Variants in DPYD observed in about 807,000 individuals in gnomAD.
The protein encoded by DPYD is dihydropyrimidine dehydrogenase [NADP(+)].
DPYD carries 109 observed loss-of-function variants against 116.2 expected under a neutral mutation model. The ratio of observed to expected loss-of-function variants is 0.94; its 90% confidence interval spans 0.80 to 1.10. DPYD has a LOEUF of 1.10. Among genes scored for constraint, DPYD ranks in the 50% least tolerant of loss-of-function variants. DPYD has a pLI of 0.00. For missense variants in DPYD, 1,302 were observed against 1,254.5 expected (o/e 1.04, Z -0.57); for synonymous variants, 440 against 432.0 (o/e 1.02, Z -0.23).
chr1:97,575,275 C>T (rs996562619), intron 10 of DPYD, among the ~76,000 whole-genome samples: 1 of 152,038 alleles, frequency 6.6e-6, no homozygotes, highest in Non-Finnish European at 1.5e-5. Context: ...AATATTGCCC[C>T]TAGGGAGCAA....
chr1:97,206,829 T>G (rs1401056093), intron 19 of DPYD, among the ~76,000 whole-genome samples: 2 of 151,024 alleles, frequency 1.3e-5, no homozygotes, highest in Non-Finnish European at 3.0e-5. Flanking sequence ...ACACACAATA[T>G]TGTATGTATG....
chr1:97,455,282 G>A (rs747613891), intron 13 of DPYD, among the ~76,000 whole-genome samples: 4 of 151,854 alleles, frequency 2.6e-5, no homozygotes, highest in Non-Finnish European at 5.9e-5. Context: ...AGTGTATATC[G>A]CTATGAGTTG....
At chr1:97,659,253 G>A (rs935257491) in intron 8 of DPYD, among the ~76,000 whole-genome samples, 4 of 152,118 alleles carry the variant, frequency 2.6e-5, no homozygotes, top group African/African-American at 4.8e-5. Flanking sequence ...GTAATAACAG[G>A]TACCTAGACA....
At chr1:97,345,978 A>G (rs578155189) in intron 16 of DPYD, among the ~76,000 whole-genome samples, 1 of 151,946 alleles carries the variant, frequency 6.6e-6, no homozygotes, top group Non-Finnish European at 1.5e-5. Context: ...TAAATGCAAA[A>G]GAATATTTAT....
intron 20 of DPYD, among the ~76,000 whole-genome samples, chr1:97,141,917 T>A (rs569263995): frequency 6.6e-6 from 1 of 152,224 alleles, no homozygotes; most frequent in South Asian, 2.1e-4. Context: ...CCGCAGTACA[T>A]ATCCACAGCC....
chr1:97,603,929 A>G (rs1177617813), intron 8 of DPYD, among the ~76,000 whole-genome samples: 1 of 152,164 alleles, frequency 6.6e-6, no homozygotes, highest in African/African-American at 2.4e-5. Flanking sequence ...GGTGAAACAC[A>G]ATGTATGAGT....
intron 20 of DPYD, among the ~76,000 whole-genome samples, chr1:97,170,780 A>C (rs12122422): frequency 0.13 from 20,133 of 151,120 alleles, 1,627 homozygotes; most frequent in East Asian, 0.29. Context: ...GGTTCAAGCT[A>C]TTCTCCTGCC....
chr1:97,471,917 A>G (rs1297430930), intron 13 of DPYD, among the ~76,000 whole-genome samples: 1 of 152,198 alleles, frequency 6.6e-6, no homozygotes, highest in African/African-American at 2.4e-5. Flanking sequence ...GAGATGTTTG[A>G]AGTAGTGCCT....
At chr1:97,787,474 C>T (rs1251743001) in intron 3 of DPYD, among the ~76,000 whole-genome samples, 1 of 152,066 alleles carries the variant, frequency 6.6e-6, no homozygotes, top group Non-Finnish European at 1.5e-5. Flanking sequence ...GTCTGTAATA[C>T]GTGAAGAAGA....
chr1:97,687,737 C>A (rs890508622), intron 7 of DPYD, among the ~76,000 whole-genome samples: 9 of 152,026 alleles, frequency 5.9e-5, no homozygotes, highest in Non-Finnish European at 2.9e-5. Context: ...AAATGCCCAT[C>A]AATAATATAG....
At chr1:97,711,205 A>G (rs1662266086) in intron 5 of DPYD, among the ~76,000 whole-genome samples, 1 of 151,926 alleles carries the variant, frequency 6.6e-6, no homozygotes, top group South Asian at 2.1e-4. Flanking sequence ...AACAAAGGTT[A>G]TATTGGATAT....
chr1:97,675,421 CT>C (rs547800740), intron 8 of DPYD, among the ~76,000 whole-genome samples: 63 of 152,192 alleles, frequency 4.1e-4, no homozygotes, highest in Non-Finnish European at 8.4e-4. Flanking sequence ...TTAGAAGAAG[CT>C]AAACTTCTCA....
intron 2 of DPYD, among the ~76,000 whole-genome samples, chr1:97,860,563 T>C (rs2101590832): frequency 6.6e-6 from 1 of 152,206 alleles, no homozygotes; most frequent in East Asian, 1.9e-4. Context: ...CCAGTAAATA[T>C]GAGGCACCTG....
At chr1:97,475,342 CAT>C (rs1677896199) in intron 13 of DPYD, among the ~76,000 whole-genome samples, 1 of 151,960 alleles carries the variant, frequency 6.6e-6, no homozygotes, top group East Asian at 1.9e-4. Context: ...TAGAAGAAAA[CAT>C]ATGTTAACAC....
At chr1:97,505,261 T>C (rs571006883) in intron 13 of DPYD, among the ~76,000 whole-genome samples, 7 of 151,958 alleles carry the variant, frequency 4.6e-5, no homozygotes, top group Non-Finnish European at 7.4e-5. Flanking sequence ...TAACAACAGG[T>C]TCCCTGTTTA....
At chr1:97,454,369 A>G (rs922114893) in intron 13 of DPYD, among the ~76,000 whole-genome samples, 1 of 151,912 alleles carries the variant, frequency 6.6e-6, no homozygotes, top group Admixed American at 6.6e-5. Context: ...GCATGATTTC[A>G]TAAGAGAATA....
chr1:97,122,891 G>T (rs749757451), intron 20 of DPYD, among the ~76,000 whole-genome samples: 2 of 152,020 alleles, frequency 1.3e-5, no homozygotes, highest in Non-Finnish European at 2.9e-5. Flanking sequence ...ACTAGTGGAT[G>T]ATCATTTCTT....
At chr1:97,649,104 C>G (rs922664909) in intron 8 of DPYD, among the ~76,000 whole-genome samples, 2 of 152,004 alleles carry the variant, frequency 1.3e-5, no homozygotes, top group African/African-American at 4.8e-5. Context: ...AAGCAAGGAG[C>G]TCTAAAAAAC....
At chr1:97,740,101 T>C (rs1243789649) in intron 4 of DPYD, among the ~76,000 whole-genome samples, 1 of 152,162 alleles carries the variant, frequency 6.6e-6, no homozygotes, top group Non-Finnish European at 1.5e-5. Flanking sequence ...TCTATTAGTA[T>C]TTAGCAAGCA....
Sources: allele counts gnomAD v4.1 joint callset (sites outside exome capture counted in the v4.1 genomes callset), GRCh38; gene constraint gnomAD v4.1.1; transcripts MANE v1.5; gene names NCBI Gene and HGNC (gene_info 2026-07-23, HGNC 2026-07-21).